AFF2: variants seen among roughly 807,000 people sequenced by gnomAD.
The protein encoded by AFF2 is AF4/FMR2 family member 2.
Under a neutral mutation model 76.9 loss-of-function variants are expected in AFF2, and 14 were observed. The observed-to-expected ratio is 0.18, with a 90% CI of 0.12 to 0.28. The LOEUF (loss-of-function observed/expected upper bound fraction) is 0.28, where lower values mean the gene tolerates loss of function less well. Among genes scored for constraint, AFF2 ranks in the 10% least tolerant of loss-of-function variants. AFF2 has a pLI of 1.00. For synonymous variants in AFF2, 398 were observed against 366.7 expected (o/e 1.09, Z -0.98); for missense variants, 868 against 1,001.1 (o/e 0.87, Z 1.79).
chrX:148,678,494 C>T (rs1346427263), intron 3 of AFF2, among the ~76,000 whole-genome samples: 1 of 111,642 alleles, frequency 9.0e-6, no homozygotes, highest in African/African-American at 3.3e-5. Context: ...TCTGAGAGGG[C>T]TCTGCAAAGC....
intron 4 of AFF2, among the ~76,000 whole-genome samples, chrX:148,817,774 A>C (rs2070283937): frequency 8.9e-6 from 1 of 111,878 alleles, no homozygotes. Context: ...ATACAATATC[A>C]CCAAGTGGGT....
At chrX:148,782,600 T>C (rs370469563) in intron 3 of AFF2, among the ~76,000 whole-genome samples, 27 of 112,322 alleles carry the variant, frequency 2.4e-4, no homozygotes, top group African/African-American at 8.1e-4. Context: ...TTCTGGATAT[T>C]GTTTGGATTA....
chrX:148,748,018 G>T (rs1198036438), intron 3 of AFF2, among the ~76,000 whole-genome samples: 1 of 112,077 alleles, frequency 8.9e-6, no homozygotes, highest in Non-Finnish European at 1.9e-5. Flanking sequence ...CTGATGCTTG[G>T]TTCAGTAGGT....
At chrX:148,924,186 T>C (rs1356483154) in intron 9 of AFF2, among the ~76,000 whole-genome samples, 1 of 112,241 alleles carries the variant, frequency 8.9e-6, no homozygotes, top group Admixed American at 9.4e-5. Context: ...ATAGCAACTA[T>C]AGGAAATCAA....
At chrX:148,894,890 T>C (rs1489514426) in intron 8 of AFF2, among the ~76,000 whole-genome samples, 4 of 108,985 alleles carry the variant, frequency 3.7e-5, no homozygotes, top group African/African-American at 1.4e-4. Context: ...AAATGTGAGA[T>C]AGATAGATAT....
At chrX:148,545,267 C>T (rs1355580594) in intron 1 of AFF2, among the ~76,000 whole-genome samples, 1 of 111,437 alleles carries the variant, frequency 9.0e-6, no homozygotes, top group Non-Finnish European at 1.9e-5. Context: ...ACAGTTCAGG[C>T]CTGTCTCCAT....
At chrX:148,580,838 A>G (rs1325875178) in intron 1 of AFF2, among the ~76,000 whole-genome samples, 1 of 108,120 alleles carries the variant, frequency 9.2e-6, no homozygotes, top group African/African-American at 3.4e-5. Context: ...TAACAAATCA[A>G]TTTTATACTA....
chrX:148,640,196 T>A (rs2054073821), intron 1 of AFF2, among the ~76,000 whole-genome samples: 1 of 112,299 alleles, frequency 8.9e-6, no homozygotes, highest in African/African-American at 3.2e-5. Context: ...TAATTTGCTT[T>A]TTTAACACCA....
chrX:148,989,052 C>T (rs961478426), intron 20 of AFF2, among the ~76,000 whole-genome samples: 6 of 112,074 alleles, frequency 5.4e-5, no homozygotes, highest in African/African-American at 1.9e-4. Context: ...TTGGTGAGAT[C>T]CCAAACCAGT....
chrX:148,682,647 A>G (rs782695190), intron 3 of AFF2, among the ~76,000 whole-genome samples: 4 of 111,736 alleles, frequency 3.6e-5, no homozygotes, highest in Non-Finnish European at 5.6e-5. Flanking sequence ...AAGCCTAAGG[A>G]CATAGTAAGT....
intron 1 of AFF2, among the ~76,000 whole-genome samples, chrX:148,631,122 G>A (rs2053975969): frequency 9.0e-6 from 1 of 111,727 alleles, no homozygotes; most frequent in African/African-American, 3.3e-5. Context: ...GAGCACCCAT[G>A]AACAATGGGA....
chrX:148,675,678 C>T (rs897488578), intron 3 of AFF2, among the ~76,000 whole-genome samples: 1 of 109,305 alleles, frequency 9.1e-6, no homozygotes, highest in Non-Finnish European at 1.9e-5. Context: ...AAATGCCTTC[C>T]TTGTGCATCT....
intron 2 of AFF2, among the ~76,000 whole-genome samples, chrX:148,653,839 G>A (rs1557256705): frequency 9.0e-6 from 1 of 111,702 alleles, no homozygotes; most frequent in African/African-American, 3.3e-5. Flanking sequence ...TTGTTCAGGA[G>A]GAGAACATGG....
At chrX:148,628,535 A>G (rs782548588) in intron 1 of AFF2, among the ~76,000 whole-genome samples, 36 of 109,072 alleles carry the variant, frequency 3.3e-4, no homozygotes, top group African/African-American at 1.2e-3. Flanking sequence ...AACACTTGGC[A>G]TTATAAAAAA....
intron 16 of AFF2, among the ~76,000 whole-genome samples, chrX:148,977,430 T>TTA (rs1422766874): frequency 2.7e-5 from 3 of 110,565 alleles, no homozygotes; most frequent in Non-Finnish European, 5.7e-5. Context: ...ACCTGAGCCA[T>TTA]TAGAAAAGAC....
rs1569551592 is a variant in AFF2 at position 148,581,072 on chromosome X, C to CACATATGTGTATATGTATATGT, written c.48-70924_48-70923insTATGTGTATATGTATATGTACA. Among the ~76,000 whole-genome samples the CACATATGTGTATATGTATATGT allele has an allele frequency of 2.9e-4, 18 of 62,595 alleles. 1 individual carries two copies. The highest frequency in any genetic ancestry group is 9.0e-4 in the African/African-American group (17 of 18,954). 54.4% of individuals were successfully genotyped at this position (62,595 alleles called of 115,157 possible). A position where few individuals can be genotyped will look rare whatever the true frequency, so the allele number is the denominator to read the frequency against. The stretch of plus-strand genomic sequence containing the variant: ...ACACATATGTGTATATGTATATATA[C>CACATATGTGTATATGTATATGT]ACACATATATACATATGTGTATATG... On this transcript the variant is annotated intron_variant, in intron 1 of 20. Coordinates refer to ENST00000370460, the MANE Select transcript of AFF2 (RefSeq NM_002025.4).
intron 4 of AFF2, among the ~76,000 whole-genome samples, chrX:148,814,279 G>C (rs1161489328): frequency 1.8e-5 from 2 of 111,803 alleles, no homozygotes; most frequent in Non-Finnish European, 3.8e-5. Flanking sequence ...TTAAGACAAG[G>C]AGAGCAGCAT....
chrX:148,840,980 A>G (rs2070592897), intron 5 of AFF2, among the ~76,000 whole-genome samples: 1 of 112,682 alleles, frequency 8.9e-6, no homozygotes, highest in Non-Finnish European at 1.9e-5. Context: ...TGTATCAAGA[A>G]TAAATATCAG....
chrX:148,757,141 T>C (rs1246094864), intron 3 of AFF2, among the ~76,000 whole-genome samples: 2 of 112,816 alleles, frequency 1.8e-5, no homozygotes, highest in Non-Finnish European at 3.8e-5. Context: ...CCATTTGGTA[T>C]AGACCAGGAG....
Sources: allele counts gnomAD v4.1 joint callset (sites outside exome capture counted in the v4.1 genomes callset), GRCh38; gene constraint gnomAD v4.1.1; transcripts MANE v1.5; gene names NCBI Gene and HGNC (gene_info 2026-07-23, HGNC 2026-07-21).